MAGI1: variants seen among roughly 807,000 people sequenced by gnomAD.
MAGI1 encodes membrane-associated guanylate kinase, WW and PDZ domain-containing protein 1.
MAGI1 carries 58 observed loss-of-function variants against 139.9 expected under a neutral mutation model. That is an observed-to-expected ratio of 0.41 (90% CI 0.34 to 0.52). The LOEUF (loss-of-function observed/expected upper bound fraction) is 0.52. Among genes scored for constraint, MAGI1 ranks in the 20% least tolerant of loss-of-function variants. The pLI, the probability that MAGI1 is intolerant of heterozygous loss-of-function variation, is 0.12. For synonymous variants in MAGI1, 812 were observed against 737.9 expected, an observed-to-expected ratio of 1.10 and a Z score of -1.63; for missense variants, 1,874 against 1,901.6, an observed-to-expected ratio of 0.99 and a Z score of 0.27.
chr3:65,409,706 A>G (rs1001368372), intron 12 of MAGI1, among the ~76,000 whole-genome samples: 5 of 152,062 alleles, frequency 3.3e-5, no homozygotes, highest in Non-Finnish European at 5.9e-5. Context: ...CAAATATGAT[A>G]CCAGCTGCCA....
intron 1 of MAGI1, among the ~76,000 whole-genome samples, chr3:65,652,947 A>AT (rs1330962999): frequency 6.6e-6 from 1 of 152,184 alleles, no homozygotes; most frequent in Non-Finnish European, 1.5e-5. Context: ...ACTATCAAAA[A>AT]TATGACCACC....
intron 1 of MAGI1, among the ~76,000 whole-genome samples, chr3:66,028,073 G>A (rs2068389499): frequency 6.6e-6 from 1 of 152,208 alleles, no homozygotes; most frequent in African/African-American, 2.4e-5. Context: ...GGGAGGCCAA[G>A]GCAGGCAGAT....
chr3:65,468,932 T>C (rs551585968), intron 5 of MAGI1, among the ~76,000 whole-genome samples: 1 of 96,568 alleles, frequency 1.0e-5, no homozygotes, highest in African/African-American at 4.2e-5. Context: ...TGAGGCCCCA[T>C]CTCAGGAAGG....
chr3:66,014,928 A>G (rs563316864), intron 1 of MAGI1, among the ~76,000 whole-genome samples: 3 of 152,252 alleles, frequency 2.0e-5, no homozygotes, highest in South Asian at 2.1e-4. Context: ...GACAAATACT[A>G]CCTTCCCCTT....
intron 1 of MAGI1, among the ~76,000 whole-genome samples, chr3:65,884,097 C>A (rs537956287): frequency 6.6e-6 from 1 of 152,098 alleles, no homozygotes; most frequent in Non-Finnish European, 1.5e-5. Context: ...GCAAGATAAA[C>A]AGAGAGTAGA....
chr3:65,865,585 G>C (rs1047390735), intron 1 of MAGI1, among the ~76,000 whole-genome samples: 7 of 152,204 alleles, frequency 4.6e-5, no homozygotes, highest in African/African-American at 1.7e-4. Flanking sequence ...GACAGAGTGA[G>C]ATCCTGTCTC....
chr3:65,414,550 C>T (rs186775862), intron 12 of MAGI1, among the ~76,000 whole-genome samples: 153 of 152,296 alleles, frequency 1.0e-3, no homozygotes, highest in Non-Finnish European at 2.0e-3. Flanking sequence ...GCTCTGCTTT[C>T]GTATCCTGTT....
chr3:66,031,717 C>T (rs1350527356), intron 1 of MAGI1, among the ~76,000 whole-genome samples: 2 of 150,768 alleles, frequency 1.3e-5, no homozygotes, highest in Non-Finnish European at 3.0e-5. Flanking sequence ...ATACAAAGTA[C>T]AATTTAAGAG....
chr3:65,714,343 A>G (rs2031919568), intron 1 of MAGI1, among the ~76,000 whole-genome samples: 1 of 151,984 alleles, frequency 6.6e-6, no homozygotes, highest in South Asian at 2.1e-4. Flanking sequence ...AACAATCTTG[A>G]GAGATGAGGT....
intron 4 of MAGI1, among the ~76,000 whole-genome samples, chr3:65,477,032 C>T (rs1283656733): frequency 1.3e-5 from 2 of 152,116 alleles, no homozygotes; most frequent in Admixed American, 6.6e-5. Flanking sequence ...CAGACATGAT[C>T]CAATCCTAGC....
At chr3:65,751,656 CAAGT>C (rs2036163913) in intron 1 of MAGI1, among the ~76,000 whole-genome samples, 1 of 152,098 alleles carries the variant, frequency 6.6e-6, no homozygotes, top group African/African-American at 2.4e-5. Context: ...ATGGTCTTTG[CAAGT>C]ATCACTGAGT....
At chr3:65,362,719 T>C (rs1940994887) in intron 21 of MAGI1, among the ~76,000 whole-genome samples, 1 of 152,234 alleles carries the variant, frequency 6.6e-6, no homozygotes, top group Non-Finnish European at 1.5e-5. Flanking sequence ...ACTTTTTTCC[T>C]TTCCTGGCCT....
At chr3:65,469,956 TA>T (rs1477212295) in intron 5 of MAGI1, 2 of 147,896 alleles carry the variant, frequency 1.4e-5, no homozygotes, top group Non-Finnish European at 3.0e-5. Flanking sequence ...AAATATTTAT[TA>T]AAATATTTAA....
At chr3:65,800,729 T>G in intron 1 of MAGI1, among the ~76,000 whole-genome samples, 1 of 152,340 alleles carries the variant, frequency 6.6e-6, no homozygotes, top group East Asian at 1.9e-4. Context: ...AATAAAATTT[T>G]TAAATATGTA....
chr3:65,992,352 T>C (rs2066228095), intron 1 of MAGI1, among the ~76,000 whole-genome samples: 1 of 152,228 alleles, frequency 6.6e-6, no homozygotes, highest in Non-Finnish European at 1.5e-5. Context: ...TTAGTACAAG[T>C]ATTTCCTCTA....
At chr3:65,835,127 T>G (rs1423953444) in intron 1 of MAGI1, among the ~76,000 whole-genome samples, 1 of 152,228 alleles carries the variant, frequency 6.6e-6, no homozygotes, top group African/African-American at 2.4e-5. Flanking sequence ...TTCTATTTTT[T>G]GTTTTCTGTT....
intron 1 of MAGI1, among the ~76,000 whole-genome samples, chr3:65,672,943 G>A (rs900296760): frequency 1.3e-5 from 2 of 152,176 alleles, no homozygotes; most frequent in Admixed American, 6.5e-5. Flanking sequence ...AATCAAGTAT[G>A]ATAAATTGCT....
At chr3:65,894,775 T>C (rs1179825685) in intron 1 of MAGI1, among the ~76,000 whole-genome samples, 1 of 152,216 alleles carries the variant, frequency 6.6e-6, no homozygotes, top group Non-Finnish European at 1.5e-5. Flanking sequence ...AGGGGAGTTA[T>C]CACTCATCAC....
At chr3:65,968,746 G>C (rs531755110) in intron 1 of MAGI1, among the ~76,000 whole-genome samples, 2 of 152,042 alleles carry the variant, frequency 1.3e-5, no homozygotes, top group South Asian at 4.2e-4. Flanking sequence ...TATTATGATT[G>C]AATTTTTTAA....
Sources: gnomAD v4.1 joint callset for allele counts (sites outside exome capture counted in the v4.1 genomes callset) on GRCh38, gnomAD v4.1.1 for gene constraint, MANE v1.5 for transcripts, NCBI Gene and HGNC (gene_info 2026-07-23, HGNC 2026-07-21) for gene names.